The following VPS13A variants were observed in gnomAD, a reference collection of about 807,000 sequenced individuals.
VPS13A encodes the protein vacuolar protein sorting 13 homolog A, also known as intermembrane lipid transfer protein VPS13A.
A neutral mutation model predicts 390.9 loss-of-function variants in VPS13A; 264 were observed. The observed-to-expected ratio is 0.68, with a 90% CI of 0.61 to 0.75. The LOEUF is 0.75. Ranked by LOEUF, VPS13A falls within the 30% of genes least tolerant of loss-of-function variation. The pLI, the probability that VPS13A is intolerant of heterozygous loss-of-function variation, is 0.00. For synonymous variants in VPS13A, 1,231 were observed against 1,227.1 expected, an observed-to-expected ratio of 1.00 and a Z score of -0.07; for missense variants, 3,409 against 3,733.9, an observed-to-expected ratio of 0.91 and a Z score of 2.27.
At chr9:77,311,421 C>T (rs144768322) in intron 35 of VPS13A, among the ~76,000 whole-genome samples, 5 of 152,236 alleles carry the variant, frequency 3.3e-5, no homozygotes, top group Admixed American at 3.3e-4. Flanking sequence ...GCAGTGCTTC[C>T]TTAAGACCAT....
chr9:77,191,489 A>G (rs772738919), intron 1 of VPS13A, among the ~76,000 whole-genome samples: 7 of 151,698 alleles, frequency 4.6e-5, no homozygotes, highest in East Asian at 3.9e-4. Flanking sequence ...TGTAAAGACA[A>G]TGTTTCACCA....
chr9:77,409,710 T>C lies in VPS13A; in HGVS notation c.9474+2103T>C, dbSNP rs375855147. On this transcript the variant is annotated intron_variant, in intron 71 of 71. Transcript: ENST00000360280. ...AAGAAAGGGTATCAGTGATGGAAGA[T>C]GAAATGAATGAAATGAAGCGAGAAG... 4.0e-5 allele frequency among the ~76,000 whole-genome samples: 6 copies of C among 150,908 alleles called. 1 individual carries two copies. The East Asian group carries it at 1.0e-3, about 26-fold the overall frequency.
intron 42 of VPS13A, among the ~76,000 whole-genome samples, chr9:77,320,480 AC>A (rs1400887848): frequency 1.3e-5 from 2 of 152,132 alleles, no homozygotes; most frequent in African/African-American, 4.8e-5. Flanking sequence ...CTGCAGAATT[AC>A]TCACGTGTTT....
At chr9:77,328,481 C>T (rs1021673374) in intron 45 of VPS13A, among the ~76,000 whole-genome samples, 1 of 152,188 alleles carries the variant, frequency 6.6e-6, no homozygotes, top group Admixed American at 6.5e-5. Flanking sequence ...TGAAGCTAAG[C>T]ATTGACTTCC....
chr9:77,312,357 G>A (rs1829128909), intron 35 of VPS13A, among the ~76,000 whole-genome samples: 1 of 151,782 alleles, frequency 6.6e-6, no homozygotes, highest in Non-Finnish European at 1.5e-5. Context: ...ATGACCAAAA[G>A]ATTTGGATAC....
chr9:77,227,074 A>G (rs151118935), intron 15 of VPS13A, among the ~76,000 whole-genome samples: 14 of 152,320 alleles, frequency 9.2e-5, no homozygotes, highest in African/African-American at 3.4e-4. Flanking sequence ...GGAGGAAATT[A>G]CAATGTTAAT....
chr9:77,188,806 A>G (rs775164478), intron 1 of VPS13A, among the ~76,000 whole-genome samples: 1 of 152,040 alleles, frequency 6.6e-6, no homozygotes, highest in Non-Finnish European at 1.5e-5. Context: ...TGACTTTTTA[A>G]TAATAGCCAT....
Position 77,220,395 on chromosome 9 carries a change from G to C in VPS13A, c.989+12G>C. The C allele has an allele frequency of 6.8e-7, 1 of 1,478,784 alleles. No individual in the cohort carries two copies. The highest frequency in any genetic ancestry group is 9.3e-7 in the Non-Finnish European group (1 of 1,080,802). 91.6% of individuals were successfully genotyped at this position (1,478,784 alleles called of 1,614,324 possible). On this transcript the variant is annotated intron_variant, in intron 12 of 71. Transcript: ENST00000360280. ...CATGCCAGAGAATGGTAAATGCCTT[G>C]ATTTTTTTTTTTTTTTAGATTTTAA...
intron 1 of VPS13A, among the ~76,000 whole-genome samples, chr9:77,185,432 G>T (rs922103632): frequency 3.9e-5 from 6 of 152,150 alleles, no homozygotes; most frequent in Non-Finnish European, 7.4e-5. Flanking sequence ...GAGCTACTGC[G>T]CCCGGCTCGA....
At chr9:77,186,060 G>T (rs746267366) in intron 1 of VPS13A, among the ~76,000 whole-genome samples, 1 of 152,230 alleles carries the variant, frequency 6.6e-6, no homozygotes, top group Non-Finnish European at 1.5e-5. Context: ...CTGGGAGGCA[G>T]TGAGCCGAGA....
At chr9:77,179,114 A>G (rs1823843945) in intron 1 of VPS13A, among the ~76,000 whole-genome samples, 1 of 152,164 alleles carries the variant, frequency 6.6e-6, no homozygotes, top group Non-Finnish European at 1.5e-5. Context: ...TCTCCCATGT[A>G]CCTCAGAAGG....
intron 68 of VPS13A, chr9:77,384,743 A>G: frequency 6.5e-7 from 1 of 1,548,076 alleles, no homozygotes; most frequent in East Asian, 2.4e-5. Context: ...TATGACTTAT[A>G]CCATAATGCC....
intron 54 of VPS13A, among the ~76,000 whole-genome samples, chr9:77,355,419 T>G (rs2131550877): frequency 6.6e-6 from 1 of 152,348 alleles, no homozygotes; most frequent in South Asian, 2.1e-4. Flanking sequence ...GTTCCTTGTC[T>G]TCTCTCAACT....
chr9:77,334,246 C>T (rs1830426204), intron 46 of VPS13A, among the ~76,000 whole-genome samples: 1 of 152,140 alleles, frequency 6.6e-6, no homozygotes, highest in Non-Finnish European at 1.5e-5. Context: ...GATAAGTTCA[C>T]AGTTAGATGG....
At chr9:77,279,240 CGGAT>C (rs1826873035) in intron 26 of VPS13A, among the ~76,000 whole-genome samples, 1 of 152,260 alleles carries the variant, frequency 6.6e-6, no homozygotes, top group Non-Finnish European at 1.5e-5. Context: ...CTCAGCAAGA[CGGAT>C]GGAGAGCCGG....
At chr9:77,409,014 C>T (rs1295428488) in intron 71 of VPS13A, among the ~76,000 whole-genome samples, 5 of 152,200 alleles carry the variant, frequency 3.3e-5, no homozygotes, top group Non-Finnish European at 7.3e-5. Context: ...GGGTCCCTGA[C>T]CCCCAAGGAG....
Position 77,205,851 on chromosome 9 carries a change from A to G in VPS13A, c.284-127A>G, listed in dbSNP as rs1825609585. 3 of 648,180 alleles carry G rather than the reference A, an allele frequency of 4.6e-6. No homozygotes were observed. In the South Asian group the frequency reaches 5.7e-5, roughly 12 times the overall value. 40.2% of individuals were successfully genotyped at this position (648,180 alleles called of 1,614,324 possible). A position where few individuals can be genotyped will look rare whatever the true frequency, so the allele number is the denominator to read the frequency against. The stretch of plus-strand genomic sequence containing the variant: ...ATGATTCGCCCAGCTTGGCCTCCCA[A>G]AGTGCTGGGATTACAGGCATGAGCC... On this transcript the variant is annotated intron_variant, in intron 4 of 71. Transcript: ENST00000360280.
At chr9:77,274,420 C>A (rs1826521886) in intron 24 of VPS13A, among the ~76,000 whole-genome samples, 1 of 138,004 alleles carries the variant, frequency 7.2e-6, no homozygotes, top group Non-Finnish European at 1.6e-5. Flanking sequence ...GAGCGAGAGT[C>A]CGAATCAAAA....
At chr9:77,401,530 C>A (rs555257290) in intron 68 of VPS13A, among the ~76,000 whole-genome samples, 1 of 152,074 alleles carries the variant, frequency 6.6e-6, no homozygotes, top group African/African-American at 2.4e-5. Flanking sequence ...ATTAAACTTA[C>A]ATGTAAATAT....
Sources: gnomAD v4.1 joint callset for allele counts (sites outside exome capture counted in the v4.1 genomes callset) on GRCh38, gnomAD v4.1.1 for gene constraint, MANE v1.5 for transcripts, NCBI Gene and HGNC (gene_info 2026-07-23, HGNC 2026-07-21) for gene names.